Variants in LTBP1 observed in about 807,000 individuals in gnomAD.
LTBP1 encodes latent-transforming growth factor beta-binding protein 1.
A neutral mutation model predicts 207.6 loss-of-function variants in LTBP1; 129 were observed. That is an observed-to-expected ratio of 0.62 (90% CI 0.54 to 0.72). LTBP1 has a LOEUF of 0.72. Ranked by LOEUF, LTBP1 falls within the 30% of genes least tolerant of loss-of-function variation. The pLI is 0.00. For missense variants in LTBP1, 2,281 were observed against 2,217.2 expected, an observed-to-expected ratio of 1.03 and a Z score of -0.58; for synonymous variants, 963 against 833.7, an observed-to-expected ratio of 1.16 and a Z score of -2.67.
chr2:33,055,611 A>G (rs558330892), intron 3 of LTBP1, among the ~76,000 whole-genome samples: 13 of 152,194 alleles, frequency 8.5e-5, no homozygotes, highest in Non-Finnish European at 1.5e-4. Context: ...CTAAAGCCGC[A>G]TTCTTTTCGT....
Position 32,994,655 on chromosome 2 carries a change from C to T in LTBP1, c.566-26254C>T, listed in dbSNP as rs184877291. 3.2e-3 allele frequency among the ~76,000 whole-genome samples: 481 copies of T among 152,032 alleles called. 3 individuals are homozygous for T. The highest frequency in any genetic ancestry group is 0.01 in the East Asian group (52 of 5,160). On this transcript the variant is annotated intron_variant, in intron 2 of 33. Coordinates refer to ENST00000404816, the MANE Select transcript of LTBP1 (RefSeq NM_206943.4). ...ATAATTTTTGTATTTTTAATAGAGA[C>T]GGGGTTTCTCCATGTTGATCAGGCT... is the stretch of plus-strand genomic sequence containing the variant.
At chr2:32,983,171 G>A (rs1409400426) in intron 2 of LTBP1, among the ~76,000 whole-genome samples, 1 of 147,560 alleles carries the variant, frequency 6.8e-6, no homozygotes, top group East Asian at 1.9e-4. Flanking sequence ...TGACCTGGAT[G>A]TGAAACAGAG....
Position 33,105,580 on chromosome 2 carries a change from A to G in LTBP1, c.864-5002A>G, listed in dbSNP as rs148544460. On this transcript the variant is annotated intron_variant, in intron 3 of 33. Transcript: ENST00000404816. Reference sequence around the variant, plus strand: ...AGCTCCCAAGTAGCTGGGGTTACAGATGGCACCACACCTGGCTAATTTTTG... The same window carrying G: ...AGCTCCCAAGTAGCTGGGGTTACAGGTGGCACCACACCTGGCTAATTTTTG... Among the ~76,000 whole-genome samples, 1,207 of 152,056 alleles carry G rather than the reference A, an allele frequency of 7.9e-3. 11 individuals carry two copies. The highest frequency in any genetic ancestry group is 0.01 in the Middle Eastern group (3 of 294).
chr2:33,180,154 C>T (rs1468631892), intron 5 of LTBP1, among the ~76,000 whole-genome samples: 2 of 152,186 alleles, frequency 1.3e-5, no homozygotes, highest in African/African-American at 4.8e-5. Flanking sequence ...TCTGGATCAC[C>T]CTAACTCTGG....
intron 5 of LTBP1, among the ~76,000 whole-genome samples, chr2:33,159,314 T>C (rs962600032): frequency 6.6e-6 from 1 of 152,196 alleles, no homozygotes; most frequent in Admixed American, 6.5e-5. Context: ...CCTTGAGTGC[T>C]TGCTTATAAA....
intron 24 of LTBP1, among the ~76,000 whole-genome samples, chr2:33,324,185 A>G (rs1380700736): frequency 1.3e-5 from 2 of 152,062 alleles, no homozygotes; most frequent in East Asian, 1.9e-4. Context: ...TTTAGTTACC[A>G]TGGTCAACCA....
intron 5 of LTBP1, among the ~76,000 whole-genome samples, chr2:33,181,815 T>C (rs1391765192): frequency 6.6e-6 from 1 of 152,148 alleles, no homozygotes; most frequent in East Asian, 1.9e-4. Context: ...TGTTCTGAGG[T>C]TTTATAGAAC....
At chr2:33,371,078 A>G (rs540030082) in intron 31 of LTBP1, among the ~76,000 whole-genome samples, 16 of 152,286 alleles carry the variant, frequency 1.1e-4, no homozygotes, top group Non-Finnish European at 2.1e-4. Context: ...TGCAGGGGAA[A>G]TGAGTGTGAT....
intron 22 of LTBP1, among the ~76,000 whole-genome samples, chr2:33,306,860 C>G (rs1014704856): frequency 6.6e-6 from 1 of 152,050 alleles, no homozygotes; most frequent in East Asian, 1.9e-4. Context: ...GAGGCCGAGG[C>G]GGGTGGATCA....
chr2:33,092,156 G>T (rs576883866), intron 3 of LTBP1, among the ~76,000 whole-genome samples: 2 of 152,152 alleles, frequency 1.3e-5, no homozygotes, highest in South Asian at 2.1e-4. Context: ...AACACACCTT[G>T]TGCTGTGCGT....
chr2:32,984,369 A>C (rs998616515), intron 2 of LTBP1, among the ~76,000 whole-genome samples: 3 of 152,172 alleles, frequency 2.0e-5, no homozygotes, highest in African/African-American at 7.2e-5. Flanking sequence ...TGCTAGTAAA[A>C]CACATGGCTT....
intron 2 of LTBP1, among the ~76,000 whole-genome samples, chr2:32,962,469 T>G (rs967440244): frequency 2.0e-5 from 3 of 152,230 alleles, no homozygotes; most frequent in African/African-American, 7.2e-5. Flanking sequence ...GAGATTGGCC[T>G]ACACAGCGGT....
intron 20 of LTBP1, among the ~76,000 whole-genome samples, chr2:33,296,054 C>G (rs2093869044): frequency 6.6e-6 from 1 of 152,186 alleles, no homozygotes; most frequent in African/African-American, 2.4e-5. Context: ...AGCCAGGTAT[C>G]TCCTCAGACC....
chr2:33,218,740 C>G (rs2090897290), intron 8 of LTBP1, among the ~76,000 whole-genome samples: 1 of 152,180 alleles, frequency 6.6e-6, no homozygotes, highest in Non-Finnish European at 1.5e-5. Context: ...TTAAGTTGAG[C>G]TTTCTGACCC....
chr2:33,187,072 G>A lies in LTBP1; in HGVS notation c.1418G>A (p.Gly473Glu), dbSNP rs745306877. 3 of 1,613,796 alleles carry A rather than the reference G, an allele frequency of 1.9e-6. No individual in the cohort carries two copies. Among genetic ancestry groups the A allele is most frequent in the African/African-American group, 1.3e-5 (1 of 75,038 alleles). Residue 473 changes from glycine to glutamate, a missense_variant, in exon 6 of 34, where the codon GGA becomes GAA. This residue lies in a region of LTBP1 where 1,671 missense variants were observed against 1,634.8 expected (regional missense o/e 1.02). Transcript: ENST00000404816. ...CCTCTGACCGTGACTAGCCAGCAAGGAGTCAAAGGTAAGCTTTTTTCATTC... is the reference window on the plus strand; with the variant it reads ...CCTCTGACCGTGACTAGCCAGCAAGAAGTCAAAGGTAAGCTTTTTTCATTC... ...TLPLTVTSQQ[G>E]VKVKFPPNIV...
Position 33,094,079 on chromosome 2 carries a change from A to G in LTBP1, c.864-16503A>G, listed in dbSNP as rs75028293. ...GGTTAGTAATGTAAGTTAATGATAT[A>G]TAACTTTCAATAAAGCTTTTAGAGT... On this transcript the variant is annotated intron_variant, in intron 3 of 33. Transcript: ENST00000404816. Among the ~76,000 whole-genome samples the G allele has an allele frequency of 5.7e-3, 863 of 152,316 alleles. 5 individuals are homozygous for G. Among genetic ancestry groups the G allele is most frequent in the African/African-American group, 0.019 (801 of 41,570 alleles).
intron 5 of LTBP1, among the ~76,000 whole-genome samples, chr2:33,186,279 C>T (rs2087183488): frequency 1.3e-5 from 2 of 152,090 alleles, no homozygotes; most frequent in African/African-American, 4.8e-5. Context: ...TTTGTGAGTA[C>T]ATAGTAGGTA....
intron 7 of LTBP1, among the ~76,000 whole-genome samples, 176 bp downstream of exon 7, chr2:33,189,027 C>G (rs2087533436): frequency 2.6e-5 from 4 of 152,288 alleles, no homozygotes; most frequent in Admixed American, 2.6e-4. Flanking sequence ...CACACTTATT[C>G]ATTTACATAC....
intron 19 of LTBP1, among the ~76,000 whole-genome samples, chr2:33,289,100 C>T (rs543244782): frequency 6.6e-6 from 1 of 152,292 alleles, no homozygotes; most frequent in East Asian, 1.9e-4. Context: ...ATTCTGTGGG[C>T]ATGGCACATC....
Sources: allele counts gnomAD v4.1 joint callset (sites outside exome capture counted in the v4.1 genomes callset), GRCh38; gene constraint gnomAD v4.1.1; regional missense constraint gnomAD v4.1.1; transcripts MANE v1.5; gene names NCBI Gene and HGNC (gene_info 2026-07-23, HGNC 2026-07-21).